IDO2: variants seen among roughly 807,000 people sequenced by gnomAD.
IDO2 encodes the protein indoleamine 2,3-dioxygenase 2.
IDO2 carries 46 observed loss-of-function variants against 45.1 expected under a neutral mutation model. The observed-to-expected ratio is 1.02, with a 90% confidence interval of 0.80 to 1.30. The LOEUF (loss-of-function observed/expected upper bound fraction) is 1.30, where lower values mean the gene tolerates loss of function less well. Ranked by LOEUF, IDO2 falls within the 50% of genes most tolerant of loss-of-function variation. The pLI, the probability that IDO2 is intolerant of heterozygous loss-of-function variation, is 0.00. For missense variants in IDO2, 544 were observed against 491.8 expected, an observed-to-expected ratio of 1.11 and a Z score of -1.00; for synonymous variants, 218 against 184.9, an observed-to-expected ratio of 1.18 and a Z score of -1.45.
At chr8:39,987,536 G>A in intron 6 of IDO2, 1 of 187,430 alleles carries the variant, frequency 5.3e-6, no homozygotes, top group Non-Finnish European at 1.1e-5. Flanking sequence ...TGTTGCCTGG[G>A]TCTCTCTAGC....
intron 3 of IDO2, among the ~76,000 whole-genome samples, chr8:39,974,494 T>G (rs7013312): frequency 1.3e-5 from 2 of 152,108 alleles, no homozygotes; most frequent in African/African-American, 4.8e-5. Flanking sequence ...AAGGAAGAAT[T>G]TTCTAGGGCC....
At chr8:39,972,819 AAG>A (rs1808200586) in intron 3 of IDO2, among the ~76,000 whole-genome samples, 2 of 152,116 alleles carry the variant, frequency 1.3e-5, no homozygotes, top group African/African-American at 4.8e-5. Context: ...TCCACCAGCA[AAG>A]AGATTATGAC....
At chr8:39,987,349 TA>T (rs1479682368) in intron 6 of IDO2, 1 of 152,312 alleles carries the variant, frequency 6.6e-6, no homozygotes, top group East Asian at 1.9e-4. Context: ...TATTTCTTTA[TA>T]GCAGTGTAAG....
chr8:39,935,213 AT>A lies in IDO2; in HGVS notation c.-21del. 1 of 1,613,124 alleles carries A rather than the reference AT, an allele frequency of 6.2e-7. No homozygotes were observed. Among genetic ancestry groups the A allele is most frequent in the Non-Finnish European group, 8.5e-7 (1 of 1,179,110 alleles). On this transcript the variant is annotated 5_prime_UTR_variant, in exon 1 of 11. An upstream open reading frame in the 5' UTR gains an earlier in-frame stop. Coordinates refer to ENST00000502986, the Ensembl canonical transcript of IDO2. ...ACCACAAGAATGTTGCATTTTCATT[AT>A]TATGGTAAGTACACTGGTAACTTCT...
chr8:39,992,275 A>G (rs570581557), intron 8 of IDO2, among the ~76,000 whole-genome samples: 1 of 152,314 alleles, frequency 6.6e-6, no homozygotes, highest in South Asian at 2.1e-4. Context: ...CTGAGCCACT[A>G]GGTAAAAAGT....
chr8:40,013,649 A>G (rs1802341693), exon 10 of IDO2: 1 of 1,613,926 alleles, frequency 6.2e-7, no homozygotes. Context: ...GCGGGAGTGC[A>G]GCTCAGAGCA....
intron 9 of IDO2, among the ~76,000 whole-genome samples, chr8:40,009,522 GGCTAAAAATAATTGT>G (rs1802279495): frequency 6.6e-6 from 1 of 151,626 alleles, no homozygotes; most frequent in South Asian, 2.1e-4. Context: ...CTACAAGAAA[GGCTAAAAATAATTGT>G]GCCTACAGAT....
At chr8:40,007,681 C>G (rs951785364) in intron 9 of IDO2, among the ~76,000 whole-genome samples, 2 of 152,202 alleles carry the variant, frequency 1.3e-5, no homozygotes, top group African/African-American at 4.8e-5. Flanking sequence ...TCACATTGCT[C>G]TCTAAATCTG....
intron 8 of IDO2, among the ~76,000 whole-genome samples, chr8:40,004,665 C>T (rs893142002): frequency 1.4e-5 from 2 of 145,468 alleles, no homozygotes; most frequent in Non-Finnish European, 1.5e-5. Context: ...GGTCCCACTA[C>T]GTGAAAACAA....
chr8:39,980,287 G>T (rs1808323881), intron 4 of IDO2, among the ~76,000 whole-genome samples: 1 of 152,142 alleles, frequency 6.6e-6, no homozygotes, highest in Admixed American at 6.5e-5. Flanking sequence ...AGGTCAGACA[G>T]CAAATTAGTG....
At chr8:39,978,677 T>C (rs983804209) in intron 3 of IDO2, among the ~76,000 whole-genome samples, 4 of 152,060 alleles carry the variant, frequency 2.6e-5, no homozygotes, top group African/African-American at 7.2e-5. Flanking sequence ...CCACAGTGTT[T>C]GGATAAGACA....
intron 8 of IDO2, chr8:39,995,239 C>CTTCTTCTTCTTCTTCTTCTT (rs1563438264): frequency 6.1e-5 from 4 of 65,526 alleles, no homozygotes; most frequent in Middle Eastern, 8.5e-3. Flanking sequence ...TTCTCCTTCT[C>CTTCTTCTTCTTCTTCTTCTT]CTTCTCCTTC....
rs569037630 is a variant in IDO2, at chr8:39,970,580, C to T, written c.195+6877C>T. 9.6e-4 allele frequency among the ~76,000 whole-genome samples: 146 copies of T among 152,170 alleles called. 1 individual carries two copies. Among genetic ancestry groups the T allele is most frequent in the African/African-American group, 6.5e-4 (27 of 41,508 alleles). ...CTAATTTTTGTATCTTTGGTAGAGA[C>T]GGGGTTTCACCACATTGGCCAGGCT... is the stretch of plus-strand genomic sequence containing the variant. On this transcript the variant is annotated intron_variant, in intron 3 of 10. Coordinates refer to ENST00000502986, the Ensembl canonical transcript of IDO2.
chr8:39,954,680 G>C (rs2129593523), intron 2 of IDO2, among the ~76,000 whole-genome samples: 1 of 110,070 alleles, frequency 9.1e-6, no homozygotes, highest in South Asian at 3.2e-4. Flanking sequence ...TTTTGAGACA[G>C]AGTTGCACTC....
intron 8 of IDO2, among the ~76,000 whole-genome samples, chr8:39,999,452 T>A (rs1802103403): frequency 1.3e-5 from 2 of 152,084 alleles, no homozygotes; most frequent in South Asian, 4.1e-4. Flanking sequence ...CTAATTTTTG[T>A]ATTTTTAGTA....
intron 1 of IDO2, among the ~76,000 whole-genome samples, chr8:39,942,019 G>T (rs540329080): frequency 2.2e-4 from 33 of 152,312 alleles, no homozygotes; most frequent in Non-Finnish European, 3.7e-4. Context: ...CTTGAGCCCA[G>T]GAGGTGAAGG....
At chr8:40,005,581 G>T (rs186701543) in intron 9 of IDO2, among the ~76,000 whole-genome samples, 3 of 152,286 alleles carry the variant, frequency 2.0e-5, no homozygotes, top group East Asian at 1.9e-4. Flanking sequence ...AAGAGTGTTT[G>T]TTCCTAGGCA....
Position 40,013,679 on chromosome 8 carries a change from TGA to T in IDO2, c.836_837del (p.Glu279ValfsTer7). On this transcript the variant is annotated frameshift_variant, in exon 10 of 11. Coordinates refer to ENST00000502986, the Ensembl canonical transcript of IDO2. LOFTEE classifies it high-confidence loss of function. Reference sequence around the variant, plus strand: ...AGAGCACAGTGCTTCATGCCTTTGATGAGTTCTTAGGCATTCGTCATAGCAAG... The same window carrying T: ...AGAGCACAGTGCTTCATGCCTTTGATGTTCTTAGGCATTCGTCATAGCAAG... 6.2e-7 allele frequency: 1 copy of T among 1,613,614 alleles called. No homozygotes were observed. Among genetic ancestry groups the T allele is most frequent in the East Asian group, 2.2e-5 (1 of 44,862 alleles).
intron 4 of IDO2, among the ~76,000 whole-genome samples, chr8:39,982,188 C>T (rs1421737665): frequency 5.3e-5 from 8 of 151,550 alleles, no homozygotes; most frequent in Non-Finnish European, 1.0e-4. Flanking sequence ...TAGCTATCAT[C>T]TCTCTATCAT....
Sources: allele counts gnomAD v4.1 joint callset (sites outside exome capture counted in the v4.1 genomes callset), GRCh38; gene constraint gnomAD v4.1.1; transcripts MANE v1.5; gene names NCBI Gene and HGNC (gene_info 2026-07-23, HGNC 2026-07-21).